DCHS2: variants seen among roughly 807,000 people sequenced by gnomAD.
DCHS2 encodes the protein protocadherin-23.
A neutral mutation model predicts 182.4 loss-of-function variants in DCHS2; 142 were observed. That is an observed-to-expected ratio of 0.78 (90% confidence interval 0.68 to 0.89). The LOEUF (loss-of-function observed/expected upper bound fraction) is 0.89, where lower values mean the gene tolerates loss of function less well. Among genes scored for constraint, DCHS2 ranks in the 40% least tolerant of loss-of-function variants. The probability of loss-of-function intolerance (pLI) is 0.00; values close to 1 mark genes in which losing one functional copy is unlikely to be tolerated. For missense variants in DCHS2, 4,319 were observed against 4,198.6 expected, an observed-to-expected ratio of 1.03 and a Z score of -0.79; for synonymous variants, 1,740 against 1,663.3, an observed-to-expected ratio of 1.05 and a Z score of -1.12.
In DCHS2 at chr4:154,291,499, T is replaced by A. The variant is rs531863288; in HGVS notation, c.6463+6352A>T. On this transcript the variant is annotated intron_variant, in intron 13 of 19. Transcript: ENST00000357232. ...CATTGAAGATATCTGCACTTCTATG[T>A]TTATTGCAGCACTGTTCACAATAGC... 1.2e-4 allele frequency among the ~76,000 whole-genome samples: 19 copies of A among 152,294 alleles called. No individual in the cohort carries two copies. The South Asian group carries it at 3.9e-3, about 32-fold the overall frequency.
chr4:154,420,033 G>T (rs1267862827), intron 1 of DCHS2, among the ~76,000 whole-genome samples: 1 of 152,100 alleles, frequency 6.6e-6, no homozygotes, highest in Non-Finnish European at 1.5e-5. Flanking sequence ...TTCTAAGAAG[G>T]TAAATTAGAT....
At chr4:154,444,736 C>A (rs1340615754) in intron 1 of DCHS2, among the ~76,000 whole-genome samples, 3 of 152,216 alleles carry the variant, frequency 2.0e-5, no homozygotes, top group African/African-American at 7.2e-5. Flanking sequence ...CCTTCACTCA[C>A]TTTCCTCCAC....
intron 3 of DCHS2, chr4:154,343,751 C>CTGAGTCAGA: frequency 9.3e-7 from 1 of 1,078,020 alleles, no homozygotes; most frequent in Non-Finnish European, 1.2e-6. Flanking sequence ...TCTGACTCAG[C>CTGAGTCAGA]AATGAGTCTC....
Position 154,298,127 on chromosome 4 carries a change from C to T in DCHS2, c.6187G>A (p.Asp2063Asn). Residue 2063 changes from aspartate (D) to asparagine (N), a missense_variant, in exon 13 of 20, where the codon GAT becomes AAT. By Grantham distance (23) the Asp-to-Asn change is conservative. Coordinates refer to ENST00000357232, the MANE Select transcript of DCHS2 (RefSeq NM_001358235.2). ...CCATTGGGCCCCAAGTCCAGGTCAT[C>T]AGCTCTCACAATGACAGTTGTCTGG... ...TNQTTVIVRA[D>N]DLDLGPNGTV... 6.2e-7 allele frequency: 1 copy of T among 1,614,086 alleles called. No individual in the cohort carries two copies. The highest frequency in any genetic ancestry group is 1.1e-5 in the South Asian group (1 of 91,070).
intron 1 of DCHS2, among the ~76,000 whole-genome samples, chr4:154,480,489 A>G (rs995503287): frequency 2.0e-5 from 3 of 152,200 alleles, no homozygotes; most frequent in Non-Finnish European, 2.9e-5. Context: ...AGCTATTCTC[A>G]TGAAAGTGAA....
At chr4:154,370,954 A>G (rs753769915) in intron 2 of DCHS2, among the ~76,000 whole-genome samples, 8 of 152,208 alleles carry the variant, frequency 5.3e-5, no homozygotes, top group Non-Finnish European at 1.0e-4. Context: ...TGGACGTGCT[A>G]CAGTAAATTA....
At chr4:154,449,546 A>T (rs1734448136) in intron 1 of DCHS2, among the ~76,000 whole-genome samples, 1 of 151,712 alleles carries the variant, frequency 6.6e-6, no homozygotes, top group Non-Finnish European at 1.5e-5. Context: ...AATTTTTGTA[A>T]TTTTTTTGTA....
chr4:154,248,993 A>G (rs1732218835), intron 16 of DCHS2, among the ~76,000 whole-genome samples: 1 of 152,200 alleles, frequency 6.6e-6, no homozygotes, highest in Non-Finnish European at 1.5e-5. Flanking sequence ...CTAGAAGAAA[A>G]CCTAAGAAAT....
chr4:154,294,335 C>T (rs1734822093), intron 13 of DCHS2, among the ~76,000 whole-genome samples: 2 of 152,084 alleles, frequency 1.3e-5, no homozygotes, highest in South Asian at 4.1e-4. Context: ...TGAGGGGTAT[C>T]CTCAGGAATA....
At chr4:154,457,175 C>T (rs1734802705) in intron 1 of DCHS2, among the ~76,000 whole-genome samples, 1 of 152,100 alleles carries the variant, frequency 6.6e-6, no homozygotes, top group Non-Finnish European at 1.5e-5. Flanking sequence ...TCAAACACAT[C>T]TAACCAAAAA....
chr4:154,357,710 T>C (rs1490675), intron 3 of DCHS2, among the ~76,000 whole-genome samples: 131,731 of 152,168 alleles, frequency 0.87, 57,061 homozygotes, highest in South Asian at 0.93. Flanking sequence ...TTCTTACTGC[T>C]CATGCCACTG....
intron 1 of DCHS2, among the ~76,000 whole-genome samples, chr4:154,401,344 G>A (rs1252559974): frequency 6.6e-6 from 1 of 152,154 alleles, no homozygotes; most frequent in African/African-American, 2.4e-5. Flanking sequence ...TATCGCATGA[G>A]TCTTTTTGCA....
intron 1 of DCHS2, among the ~76,000 whole-genome samples, chr4:154,421,187 A>C (rs947686529): frequency 9.2e-5 from 14 of 152,326 alleles, no homozygotes; most frequent in African/African-American, 3.1e-4. Flanking sequence ...TATAGAAAGT[A>C]TCCTGAGAGC....
chr4:154,277,809 G>A (rs2111225548), intron 13 of DCHS2, among the ~76,000 whole-genome samples: 1 of 152,132 alleles, frequency 6.6e-6, no homozygotes, highest in East Asian at 1.9e-4. Context: ...GGGAGGCCAA[G>A]GCAGGTGGAT....
chr4:154,431,361 C>T (rs755565827), intron 1 of DCHS2, among the ~76,000 whole-genome samples: 16 of 152,024 alleles, frequency 1.1e-4, no homozygotes, highest in Admixed American at 3.9e-4. Context: ...ATATCATAAG[C>T]GGTAGTACTG....
At chr4:154,245,128 A>G (rs890872961) in intron 16 of DCHS2, among the ~76,000 whole-genome samples, 1 of 152,200 alleles carries the variant, frequency 6.6e-6, no homozygotes, top group African/African-American at 2.4e-5. Flanking sequence ...AGGTTCCTCA[A>G]TGACTTGAAG....
intron 1 of DCHS2, among the ~76,000 whole-genome samples, chr4:154,390,646 T>A (rs1340399690): frequency 6.6e-6 from 1 of 152,124 alleles, no homozygotes; most frequent in Non-Finnish European, 1.5e-5. Flanking sequence ...TCAAATTCTC[T>A]TTTTAACTGT....
Position 154,278,946 on chromosome 4 carries a change from C to T in DCHS2, c.6464-8933G>A, listed in dbSNP as rs545623582. On this transcript the variant is annotated intron_variant, in intron 13 of 19. Transcript: ENST00000357232. ...AAATGAAAACACAAAAAAATATATA[C>T]AGCACTTGTAAAGGTAAATATAATA... is the stretch of plus-strand genomic sequence containing the variant. Among the ~76,000 whole-genome samples, 16 of 152,092 alleles carry T rather than the reference C, an allele frequency of 1.1e-4. No individual in the cohort carries two copies. In the East Asian group the frequency reaches 2.5e-3, roughly 24 times the overall value.
At chr4:154,397,388 C>A (rs1731976006) in intron 1 of DCHS2, among the ~76,000 whole-genome samples, 1 of 152,056 alleles carries the variant, frequency 6.6e-6, no homozygotes, top group African/African-American at 2.4e-5. Context: ...GTCTAGAATA[C>A]CTATTCTGTA....
Sources: gnomAD v4.1 joint callset for allele counts (sites outside exome capture counted in the v4.1 genomes callset) on GRCh38, gnomAD v4.1.1 for gene constraint, MANE v1.5 for transcripts, NCBI Gene and HGNC (gene_info 2026-07-23, HGNC 2026-07-21) for gene names.